Variants in PES1 observed in about 807,000 individuals in gnomAD.
PES1 encodes the protein pescadillo ribosomal biogenesis factor 1.
PES1 carries 31 observed loss-of-function variants against 77.1 expected under a neutral mutation model. That is an observed-to-expected ratio of 0.40 (90% confidence interval 0.30 to 0.54). The LOEUF (loss-of-function observed/expected upper bound fraction) is 0.54, where lower values mean the gene tolerates loss of function less well. Ranked by LOEUF, PES1 falls within the 20% of genes least tolerant of loss-of-function variation. PES1 has a pLI of 0.45. For synonymous variants in PES1, 282 were observed against 303.0 expected, an observed-to-expected ratio of 0.93 and a Z score of 0.72; for missense variants, 658 against 771.7, an observed-to-expected ratio of 0.85 and a Z score of 1.75.
intron 1 of PES1, among the ~76,000 whole-genome samples, chr22:30,606,088 T>C (rs963712809): frequency 1.3e-5 from 2 of 152,206 alleles, no homozygotes; most frequent in African/African-American, 2.4e-5. Context: ...CTCGTATACA[T>C]TGATTCTCCT....
chr22:30,599,738 A>G (rs1490659141), intron 2 of PES1, among the ~76,000 whole-genome samples: 1 of 152,018 alleles, frequency 6.6e-6, no homozygotes, highest in African/African-American at 2.4e-5. Flanking sequence ...CGTCTCTACT[A>G]AAAATACAAA....
chr22:30,577,073 C>T lies in PES1; in HGVS notation c.1740G>A (p.Lys580=), dbSNP rs1448211673. ...ACTCCGGCCTTGCCTTCTTGGCCTT[C>T]TTCTCAGACCTCACCGCCTCATCGT... ...KAHDEAVRSE[K]KAKKARPE is the part of the protein sequence containing the mutation. The change falls in exon 15 of 15, where the codon AAG becomes AAA. Residue 580 remains lysine (K), a synonymous_variant. Coordinates refer to ENST00000354694, the MANE Select transcript of PES1 (RefSeq NM_014303.4). 1.2e-6 allele frequency: 2 copies of T among 1,613,990 alleles called. No individual in the cohort carries two copies. The highest frequency in any genetic ancestry group is 1.7e-6 in the Non-Finnish European group (2 of 1,180,042).
upstream of PES1, chr22:30,592,415 G>A (rs1473610934): frequency 3.0e-6 from 3 of 986,244 alleles, no homozygotes; most frequent in African/African-American, 5.2e-5. Flanking sequence ...TAGAAAAAAG[G>A]AAGACATTTT....
chr22:30,578,758 G>T, intron 14 of PES1, 79 bp downstream of exon 14: 1 of 1,470,808 alleles, frequency 6.8e-7, no homozygotes, highest in Non-Finnish European at 9.4e-7. Context: ...CTAGAGGAGG[G>T]CCCCAAGCCA....
chr22:30,604,351 G>C (rs759653740), intron 2 of PES1, among the ~76,000 whole-genome samples: 6 of 152,200 alleles, frequency 3.9e-5, no homozygotes, highest in Non-Finnish European at 5.9e-5. Context: ...GTTTCCTGTT[G>C]GCCAGGCGCG....
At chr22:30,580,217 T>G in intron 10 of PES1, 39 bp from the exon 11 acceptor site, 2 of 1,579,572 alleles carry the variant, frequency 1.3e-6, no homozygotes, top group Non-Finnish European at 1.7e-6. Flanking sequence ...TACACAGACA[T>G]GAGCTGCCTG....
chr22:30,595,225 A>G (rs141838868), upstream of PES1, among the ~76,000 whole-genome samples: 7 of 151,936 alleles, frequency 4.6e-5, no homozygotes, highest in African/African-American at 1.7e-4. Context: ...AGAATCCAAG[A>G]TCTCCTGCTT....
chr22:30,593,833 A>C (rs2087219072), upstream of PES1, among the ~76,000 whole-genome samples: 1 of 152,238 alleles, frequency 6.6e-6, no homozygotes, highest in African/African-American at 2.4e-5. Context: ...GTGATCGCTG[A>C]AGATCACTCA....
chr22:30,606,387 C>T (rs2087443500), intron 1 of PES1, among the ~76,000 whole-genome samples: 1 of 152,000 alleles, frequency 6.6e-6, no homozygotes, highest in East Asian at 1.9e-4. Flanking sequence ...TCTGCCACCA[C>T]GCCAGGCTAA....
upstream of PES1, among the ~76,000 whole-genome samples, chr22:30,593,019 A>G (rs534060754): frequency 6.6e-6 from 1 of 151,916 alleles, no homozygotes; most frequent in South Asian, 2.1e-4. Flanking sequence ...TCGTTCGAAG[A>G]TGATCTCAAA....
At chr22:30,599,166 G>C (rs576950123) in intron 2 of PES1, among the ~76,000 whole-genome samples, 1 of 151,842 alleles carries the variant, frequency 6.6e-6, no homozygotes, top group South Asian at 2.1e-4. Flanking sequence ...CAAAGTGCTG[G>C]GATTACAGGC....
At chr22:30,595,025 T>A (rs2087234752), upstream of PES1, among the ~76,000 whole-genome samples, 1 of 152,018 alleles carries the variant, frequency 6.6e-6, no homozygotes, top group African/African-American at 2.4e-5. Flanking sequence ...AAATAAAAAG[T>A]CTCCTGTCCA....
At chr22:30,580,238 C>T (rs2086962481) in intron 10 of PES1, 60 bp from the exon 11 acceptor site, 2 of 1,557,468 alleles carry the variant, frequency 1.3e-6, no homozygotes, top group African/African-American at 2.7e-5. Context: ...TCCTGAGACT[C>T]AGCTCCCTGG....
intron 2 of PES1, among the ~76,000 whole-genome samples, chr22:30,598,158 T>G (rs990975330): frequency 2.6e-5 from 4 of 152,216 alleles, no homozygotes; most frequent in Non-Finnish European, 5.9e-5. Flanking sequence ...TTACTGCTGC[T>G]CACTTTTTGG....
intron 2 of PES1, among the ~76,000 whole-genome samples, chr22:30,598,814 G>A (rs1264149087): frequency 6.9e-6 from 1 of 144,446 alleles, no homozygotes; most frequent in Non-Finnish European, 1.5e-5. Context: ...GTACCAAGTT[G>A]ACTTAAAAAT....
At chr22:30,592,639 A>G (rs1206588711), upstream of PES1, among the ~76,000 whole-genome samples, 1 of 152,126 alleles carries the variant, frequency 6.6e-6, no homozygotes, top group African/African-American at 2.4e-5. Flanking sequence ...TCTGCTAAAA[A>G]TACAAAAATT....
rs550360961 is a variant in PES1, at chr22:30,585,287, C to G, written c.369-570G>C. On this transcript the variant is annotated intron_variant, in intron 4 of 14. Coordinates refer to ENST00000354694, the MANE Select transcript of PES1 (RefSeq NM_014303.4). ...CCCAGGGAATTGGGTCCAGGAAGAGCCAGAGCAGAATGTGTTTCGGGGAAT... is the reference window on the plus strand; with the variant it reads ...CCCAGGGAATTGGGTCCAGGAAGAGGCAGAGCAGAATGTGTTTCGGGGAAT... 12 of 471,470 alleles carry G rather than the reference C, an allele frequency of 2.5e-5. 1 individual carries two copies. The highest frequency in any genetic ancestry group is 1.5e-4 in the South Asian group (10 of 64,552). The allele number at this position is 471,470 out of a possible 1,614,324, so 29.2% of individuals were successfully genotyped here. A position where few individuals can be genotyped will look rare whatever the true frequency, so the allele number is the denominator to read the frequency against.
At chr22:30,598,594 C>A (rs1286367799) in intron 2 of PES1, among the ~76,000 whole-genome samples, 1 of 151,970 alleles carries the variant, frequency 6.6e-6, no homozygotes, top group Admixed American at 6.6e-5. Context: ...ACGCCTGGCT[C>A]ATTTTTGTAT....
intron 6 of PES1, among the ~76,000 whole-genome samples, chr22:30,582,999 G>C (rs2087009590): frequency 6.6e-6 from 1 of 152,228 alleles, no homozygotes. Flanking sequence ...TGGCCAAGGA[G>C]GAAAGGGGAA....
Sources: gnomAD v4.1 joint callset for allele counts (sites outside exome capture counted in the v4.1 genomes callset) on GRCh38, gnomAD v4.1.1 for gene constraint, MANE v1.5 for transcripts, NCBI Gene and HGNC (gene_info 2026-07-23, HGNC 2026-07-21) for gene names.